KCTD1: variants seen among roughly 807,000 people sequenced by gnomAD.
The protein encoded by KCTD1 is potassium channel tetramerization domain containing 1, also known as BTB/POZ domain-containing protein KCTD1.
Under a neutral mutation model 66.0 loss-of-function variants are expected in KCTD1, and 24 were observed. The ratio of observed to expected loss-of-function variants is 0.36; its 90% CI spans 0.26 to 0.51. The LOEUF is 0.51. KCTD1 is among the 20% of genes least tolerant of loss of function. KCTD1 has a pLI of 0.95. For missense variants in KCTD1, 943 were observed against 1,205.2 expected (o/e 0.78, Z 3.22); for synonymous variants, 511 against 517.2 (o/e 0.99, Z 0.16).
chr18:26,558,928 G>A (rs8093714), intron 1 of KCTD1, among the ~76,000 whole-genome samples: 31,317 of 149,874 alleles, frequency 0.21, 4,303 homozygotes, highest in African/African-American at 0.4. Context: ...GTCTCAAAAA[G>A]AAGCAAAAAA....
chr18:26,560,708 A>G (rs769570774), intron 1 of KCTD1, among the ~76,000 whole-genome samples: 64 of 152,252 alleles, frequency 4.2e-4, no homozygotes, highest in Non-Finnish European at 6.9e-4. Context: ...AATGTTCTGT[A>G]TATGTACATC....
chr18:26,535,612 A>G (rs1364528180), intron 1 of KCTD1, among the ~76,000 whole-genome samples: 1 of 152,162 alleles, frequency 6.6e-6, no homozygotes, highest in Admixed American at 6.5e-5. Context: ...CAAAAACACA[A>G]AATCACACTA....
intron 1 of KCTD1, chr18:26,599,934 C>T (rs751055091): frequency 1.3e-6 from 2 of 1,588,770 alleles, no homozygotes; most frequent in African/African-American, 1.3e-5. Context: ...TTAAGTTTTC[C>T]ATCACCAAGA....
rs8094879 is a variant in KCTD1 at position 26,649,981 on chromosome 18, G to A, written c.9+7379C>T. 7.6e-3 allele frequency among the ~76,000 whole-genome samples: 1,156 copies of A among 152,246 alleles called. 14 individuals carry two copies. The highest frequency in any genetic ancestry group is 0.026 in the African/African-American group (1,096 of 41,536). On this transcript the variant is annotated intron_variant, in intron 1 of 4. Coordinates refer to the KCTD1 transcript ENST00000580191. ...CGCAAATTCAGTGACTCCCATTGTG[G>A]GGGTTCAGAACCTAGTGGTGCATTT...
intron 1 of KCTD1, among the ~76,000 whole-genome samples, chr18:26,578,294 C>G (rs1986277327): frequency 6.6e-6 from 1 of 152,070 alleles, no homozygotes; most frequent in African/African-American, 2.4e-5. Context: ...CTATAAATCA[C>G]TTTTACAAGT....
intron 1 of KCTD1, among the ~76,000 whole-genome samples, chr18:26,625,991 C>G (rs1987490553): frequency 2.0e-5 from 3 of 152,230 alleles, no homozygotes; most frequent in African/African-American, 7.2e-5. Context: ...CAAAGATGCT[C>G]TGTCCTGGAT....
At chr18:26,609,833 C>G (rs1211561457) in intron 1 of KCTD1, among the ~76,000 whole-genome samples, 1 of 152,212 alleles carries the variant, frequency 6.6e-6, no homozygotes, top group African/African-American at 2.4e-5. Flanking sequence ...ATTCCACCGG[C>G]TCCAGTGACA....
At chr18:26,596,558 T>C (rs1202385396) in intron 1 of KCTD1, among the ~76,000 whole-genome samples, 1 of 152,252 alleles carries the variant, frequency 6.6e-6, no homozygotes, top group Non-Finnish European at 1.5e-5. Flanking sequence ...TGAGGGAGTT[T>C]GGTGGTTAAA....
chr18:26,532,605 C>T (rs1017592022), intron 1 of KCTD1, among the ~76,000 whole-genome samples: 1 of 152,190 alleles, frequency 6.6e-6, no homozygotes, highest in African/African-American at 2.4e-5. Flanking sequence ...TACTCACCTT[C>T]TCTGGGCCGC....
At chr18:26,636,004 G>T (rs1435540979) in intron 1 of KCTD1, among the ~76,000 whole-genome samples, 2 of 152,150 alleles carry the variant, frequency 1.3e-5, no homozygotes, top group Admixed American at 1.3e-4. Flanking sequence ...TGTGGGAGGG[G>T]TTGTTATGGG....
At chr18:26,569,024 T>C (rs1331685497) in intron 1 of KCTD1, among the ~76,000 whole-genome samples, 2 of 152,200 alleles carry the variant, frequency 1.3e-5, no homozygotes, top group Admixed American at 6.5e-5. Context: ...CCCACCTCTA[T>C]TGCATAAGTA....
In KCTD1 at chr18:26,501,980, G is replaced by A. The variant is rs181911265; in HGVS notation, c.1810-730C>T. On this transcript the variant is annotated intron_variant, in intron 1 of 4. Transcript: ENST00000580059. ...GATGTGCGGTTGCACAAGCAAAGGT[G>A]CAATGTGAGCAAACAGACCAGAATG... Among the ~76,000 whole-genome samples, 17 of 152,388 alleles carry A rather than the reference G, an allele frequency of 1.1e-4. No individual in the cohort carries two copies. The East Asian group carries it at 3.3e-3, about 29-fold the overall frequency.
At chr18:26,456,853 T>A (rs544254772) in intron 4 of KCTD1, 2 of 151,814 alleles carry the variant, frequency 1.3e-5, no homozygotes, top group Middle Eastern at 3.4e-3. Flanking sequence ...TGCAAATGTT[T>A]CCTGCCCGAG....
chr18:26,628,160 A>T (rs987920209), intron 1 of KCTD1, among the ~76,000 whole-genome samples: 1 of 152,174 alleles, frequency 6.6e-6, no homozygotes, highest in Non-Finnish European at 1.5e-5. Context: ...AGAGTTAATC[A>T]TTTATTTTTC....
upstream of KCTD1, among the ~76,000 whole-genome samples, chr18:26,629,692 C>G (rs1024560268): frequency 6.6e-6 from 1 of 150,836 alleles, no homozygotes; most frequent in Non-Finnish European, 1.5e-5. Flanking sequence ...TGTGCAAAGT[C>G]CCTGAGTTGG....
At chr18:26,620,798 C>T (rs1987363408) in intron 1 of KCTD1, among the ~76,000 whole-genome samples, 1 of 149,124 alleles carries the variant, frequency 6.7e-6, no homozygotes, top group Non-Finnish European at 1.5e-5. Context: ...TAGCTTTATT[C>T]ACTGCATAGC....
chr18:26,470,500 A>G (rs1056518730), intron 3 of KCTD1, among the ~76,000 whole-genome samples: 5 of 152,232 alleles, frequency 3.3e-5, no homozygotes, highest in Non-Finnish European at 5.9e-5. Flanking sequence ...GACAGGCATG[A>G]GGCCAGAACG....
intron 1 of KCTD1, among the ~76,000 whole-genome samples, chr18:26,596,008 A>G (rs971055886): frequency 2.6e-5 from 4 of 152,238 alleles, no homozygotes; most frequent in Admixed American, 2.6e-4. Flanking sequence ...TGATCACACT[A>G]CTGCACTGCA....
intron 1 of KCTD1, among the ~76,000 whole-genome samples, chr18:26,515,913 G>A (rs1983632115): frequency 6.6e-6 from 1 of 152,204 alleles, no homozygotes; most frequent in South Asian, 2.1e-4. Context: ...GTATTGTTAA[G>A]AGCCCAGCTT....
Sources: gnomAD v4.1 joint callset for allele counts (sites outside exome capture counted in the v4.1 genomes callset) on GRCh38, gnomAD v4.1.1 for gene constraint, MANE v1.5 for transcripts, NCBI Gene and HGNC (gene_info 2026-07-23, HGNC 2026-07-21) for gene names.